The following BRF1 variants were observed in gnomAD, a reference collection of about 807,000 sequenced individuals.
BRF1 encodes the protein transcription factor IIIB 90 kDa subunit.
In BRF1, 59 loss-of-function variants were observed where a neutral mutation model predicts 81.7. That is an observed-to-expected ratio of 0.72 (90% CI 0.59 to 0.90). The LOEUF (loss-of-function observed/expected upper bound fraction) is 0.90, where lower values mean the gene tolerates loss of function less well. BRF1 is among the 40% of genes least tolerant of loss of function. The pLI, the probability that BRF1 is intolerant of heterozygous loss-of-function variation, is 0.00. For synonymous variants in BRF1, 491 were observed against 395.6 expected, an observed-to-expected ratio of 1.24 and a Z score of -2.86; for missense variants, 1,050 against 936.3, an observed-to-expected ratio of 1.12 and a Z score of -1.58.
In BRF1 at chr14:105,210,888, G is replaced by C. The variant is rs587599728; in HGVS notation, c.1996+234C>G. 4.6e-5 allele frequency among the ~76,000 whole-genome samples: 7 copies of C among 152,296 alleles called. 1 individual carries two copies. The East Asian group carries it at 1.2e-3, about 25-fold the overall frequency. ...GCAGATCCGGGAACCTCGTGCTGCT[G>C]GCTGGGCGGCCCTCGTGGTGGGTAC... On this transcript the variant is annotated intron_variant, in intron 17 of 17. Coordinates refer to ENST00000547530, the MANE Select transcript of BRF1 (RefSeq NM_001519.4). The surrounding 1 kb of genome is among the most constrained non-coding windows in gnomAD (Gnocchi z 4.7).
intron 4 of BRF1, among the ~76,000 whole-genome samples, chr14:105,253,068 C>T (rs908019202): frequency 2.0e-5 from 3 of 152,246 alleles, no homozygotes; most frequent in African/African-American, 7.2e-5. Context: ...GGTCCAAATC[C>T]ACACAGATCC....
chr14:105,252,687 C>T (rs1400404537), intron 4 of BRF1, 108 bp from the exon 5 acceptor site: 1 of 1,216,096 alleles, frequency 8.2e-7, no homozygotes, highest in Non-Finnish European at 1.1e-6. Context: ...CTCCGATGGC[C>T]CGTGGAGCAG....
chr14:105,229,718 CTGTCCGCG>C (rs2054433916), intron 6 of BRF1, among the ~76,000 whole-genome samples: 2 of 103,864 alleles, frequency 1.9e-5, no homozygotes, highest in Admixed American at 1.0e-4. Context: ...GGCCACACCA[CTGTCCGCG>C]TAGTCGCCCA....
At chr14:105,295,747 G>A (rs587701883) in intron 1 of BRF1, among the ~76,000 whole-genome samples, 1 of 151,188 alleles carries the variant, frequency 6.6e-6, no homozygotes, top group Admixed American at 6.6e-5. Context: ...TCACACCACT[G>A]CACTCCAGTC....
At chr14:105,314,102 G>A (rs587731483) in intron 1 of BRF1, among the ~76,000 whole-genome samples, 1 of 152,340 alleles carries the variant, frequency 6.6e-6, no homozygotes, top group East Asian at 1.9e-4. Flanking sequence ...GGCGCCCCGA[G>A]TGGCTTCGAG....
At chr14:105,292,156 A>G (rs1390764342) in intron 1 of BRF1, among the ~76,000 whole-genome samples, 2 of 151,798 alleles carry the variant, frequency 1.3e-5, no homozygotes, top group African/African-American at 4.8e-5. Flanking sequence ...ACGCCTAGCT[A>G]ATGTTTTCTT....
At chr14:105,248,728 C>T in intron 5 of BRF1, 3 of 982,236 alleles carry the variant, frequency 3.1e-6, no homozygotes, top group Non-Finnish European at 3.6e-6. Flanking sequence ...CTGCCCCTAG[C>T]CTGCCTGCAC....
At position 105,300,553 on chromosome 14, in the gene BRF1, G is replaced by A; in HGVS notation, c.77C>T (p.Thr26Ile). Residue 26 changes from threonine (T) to isoleucine (I), a missense_variant, in exon 1 of 18, where the codon ACC becomes ATC. Thr to Ile is a moderately conservative substitution (Grantham distance 89). Coordinates refer to ENST00000547530, the MANE Select transcript of BRF1 (RefSeq NM_001519.4). ...GTCCTCCAGCACTGAGCCGCAGGCG[G>A]TGCACACCGCGTCCCCGCGCGCCGC... ...LDAARGDAVCTACGSVLEDNI... is the reference protein window; with the variant it reads ...LDAARGDAVCIACGSVLEDNI... 6.6e-7 allele frequency: 1 copy of A among 1,506,322 alleles called. No individual in the cohort carries two copies. Among genetic ancestry groups the A allele is most frequent in the South Asian group, 1.3e-5 (1 of 79,892 alleles). 93.3% of individuals were successfully genotyped at this position (1,506,322 alleles called of 1,614,324 possible).
intron 1 of BRF1, chr14:105,314,278 G>A (rs1286659633): frequency 3.3e-5 from 5 of 152,160 alleles, no homozygotes; most frequent in African/African-American, 1.2e-4. Context: ...AGGGCAGGGG[G>A]GCGGGGAGAC....
At chr14:105,313,808 C>T (rs1448702888) in intron 1 of BRF1, among the ~76,000 whole-genome samples, 6 of 152,260 alleles carry the variant, frequency 3.9e-5, no homozygotes, top group African/African-American at 1.2e-4. Context: ...CTCGGCTTGG[C>T]ATCTGGTGCT....
At chr14:105,211,994 A>G (rs1054437099) in intron 16 of BRF1, 119 bp downstream of exon 16, 31 of 1,417,746 alleles carry the variant, frequency 2.2e-5, no homozygotes, top group African/African-American at 2.8e-5. Flanking sequence ...ATGGGGCAGC[A>G]GGGGCAGGCG....
chr14:105,271,895 C>T lies in BRF1; in HGVS notation c.439+826G>A, dbSNP rs1305754434. 9.1e-6 allele frequency among the ~76,000 whole-genome samples: 1 copy of T among 110,124 alleles called. No individual in the cohort carries two copies. Among genetic ancestry groups the T allele is most frequent in the Non-Finnish European group, 2.0e-5 (1 of 50,884 alleles). 72.2% of individuals were successfully genotyped at this position (110,124 alleles called of 152,430 possible). A position where few individuals can be genotyped will look rare whatever the true frequency, so the allele number is the denominator to read the frequency against. ...CCACGCACAAGGCCAAGCTGCACAC[C>T]GCTGAGGGTCGGCGGCCTCCCCGCC... On this transcript the variant is annotated intron_variant, in intron 3 of 17. Coordinates refer to ENST00000547530, the MANE Select transcript of BRF1 (RefSeq NM_001519.4). The surrounding 1 kb of genome is among the most constrained non-coding windows in gnomAD (Gnocchi z 5.5).
intron 5 of BRF1, chr14:105,248,337 G>A: frequency 1.0e-6 from 1 of 985,474 alleles, no homozygotes; most frequent in East Asian, 1.1e-4. Flanking sequence ...ACTGAAGAAC[G>A]GGCGCAAGCA....
At chr14:105,216,988 C>A (rs947313184) in intron 15 of BRF1, among the ~76,000 whole-genome samples, 1 of 152,216 alleles carries the variant, frequency 6.6e-6, no homozygotes, top group Non-Finnish European at 1.5e-5. Context: ...CGCCACCCAG[C>A]GGCAAGCTGT....
intron 1 of BRF1, among the ~76,000 whole-genome samples, chr14:105,294,544 A>G (rs747993850): frequency 6.6e-6 from 1 of 152,234 alleles, no homozygotes; most frequent in Non-Finnish European, 1.5e-5. Context: ...AGTCTTGGCA[A>G]CTGTGACACA....
At chr14:105,229,347 C>G (rs779239658) in intron 6 of BRF1, among the ~76,000 whole-genome samples, 2 of 152,186 alleles carry the variant, frequency 1.3e-5, no homozygotes, top group African/African-American at 2.4e-5. Flanking sequence ...ACCTCCAGTG[C>G]AAACATGGAG....
chr14:105,227,328 G>A (rs1284569218), intron 7 of BRF1: 2 of 153,656 alleles, frequency 1.3e-5, no homozygotes, highest in African/African-American at 2.4e-5. Context: ...GCTGAGGCCG[G>A]AGAATCGCTT....
intron 1 of BRF1, among the ~76,000 whole-genome samples, chr14:105,294,251 TTGCTGGG>T (rs1402943164): frequency 6.6e-6 from 1 of 152,214 alleles, no homozygotes; most frequent in East Asian, 1.9e-4. Flanking sequence ...CCACAGTTGG[TTGCTGGG>T]CCTGCGCCTC....
intron 2 of BRF1, among the ~76,000 whole-genome samples, chr14:105,280,574 C>A (rs778209938): frequency 1.3e-5 from 2 of 151,944 alleles, no homozygotes; most frequent in African/African-American, 4.8e-5. Context: ...ATCCTGAGCC[C>A]GCGTGCGCAG....
Sources: allele counts gnomAD v4.1 joint callset (sites outside exome capture counted in the v4.1 genomes callset), GRCh38; gene constraint gnomAD v4.1.1; non-coding constraint Gnocchi (gnomAD v3.1); transcripts MANE v1.5; gene names NCBI Gene and HGNC (gene_info 2026-07-23, HGNC 2026-07-21).